The following NCEH1 variants were observed in gnomAD, a reference collection of about 807,000 sequenced individuals.
NCEH1 encodes the protein 2-acetyl MAGE hydrolase.
In NCEH1, 9 loss-of-function variants were observed where a neutral mutation model predicts 25.4. The ratio of observed to expected loss-of-function variants is 0.35; its 90% confidence interval spans 0.21 to 0.62. The LOEUF (loss-of-function observed/expected upper bound fraction) is 0.62. Ranked by LOEUF, NCEH1 falls within the 20% of genes least tolerant of loss-of-function variation. NCEH1 has a pLI of 0.72. For synonymous variants in NCEH1, 200 were observed against 199.8 expected (o/e 1.00, Z -0.01); for missense variants, 412 against 501.1 (o/e 0.82, Z 1.70).
intron 1 of NCEH1, among the ~76,000 whole-genome samples, chr3:172,705,599 T>C (rs543669239): frequency 6.6e-6 from 1 of 152,312 alleles, no homozygotes; most frequent in Non-Finnish European, 1.5e-5. Flanking sequence ...AAGACAGATA[T>C]GTTGTCCAGC....
At chr3:172,703,499 G>T (rs952495104) in intron 1 of NCEH1, among the ~76,000 whole-genome samples, 1 of 135,302 alleles carries the variant, frequency 7.4e-6, no homozygotes, top group Non-Finnish European at 1.5e-5. Context: ...TTGCATTCCC[G>T]CCTGAGTGAC....
At chr3:172,707,084 CTG>C (rs941561062) in intron 1 of NCEH1, among the ~76,000 whole-genome samples, 4 of 152,120 alleles carry the variant, frequency 2.6e-5, no homozygotes, top group African/African-American at 9.7e-5. Context: ...TATTGCCAAA[CTG>C]TTCTCCAAAA....
At position 172,645,681 on chromosome 3, in the gene NCEH1, A is replaced by C. The variant is rs1404766373; in HGVS notation, c.379T>G (p.Tyr127Asp). 6.3e-7 allele frequency: 1 copy of C among 1,589,964 alleles called. No homozygotes were observed. ...GCCATTGCTGTACACAGCTCATCAT[A>C]ATACCTGATTTCTAAAAGACACAAA... ...WALASAKIRYYDELCTAMAEE... is the reference protein window; with the variant it reads ...WALASAKIRYDDELCTAMAEE... Residue 127 changes from tyrosine (Y) to aspartate (D), a missense_variant, in exon 3 of 5, where the codon TAT becomes GAT. Physicochemically the swap from Tyr to Asp is radical, Grantham distance 160. Coordinates refer to ENST00000475381, the MANE Select transcript of NCEH1 (RefSeq NM_020792.6).
chr3:172,690,609 A>G (rs751657412), intron 1 of NCEH1, among the ~76,000 whole-genome samples: 73 of 152,228 alleles, frequency 4.8e-4, no homozygotes, highest in Admixed American at 1.5e-3. Context: ...AGATTATACA[A>G]TATGTCCACT....
chr3:172,672,794 G>A (rs1189908891), intron 1 of NCEH1, among the ~76,000 whole-genome samples: 1 of 152,184 alleles, frequency 6.6e-6, no homozygotes, highest in Non-Finnish European at 1.5e-5. Context: ...TCCATTAGTT[G>A]CTATCAGTGT....
rs1369666314 is a variant in NCEH1, at chr3:172,648,000, T to C, written c.253A>G (p.Thr85Ala). The C allele has an allele frequency of 6.2e-7, 1 of 1,614,206 alleles. No homozygotes were observed. Among genetic ancestry groups the C allele is most frequent in the Admixed American group, 1.7e-5 (1 of 60,028 alleles). Residue 85 changes from threonine to alanine, a missense_variant, in exon 2 of 5, where the codon ACA (threonine) becomes GCA (alanine). Around this residue, in one of 3 missense-constraint regions of NCEH1, gnomAD observed 178 missense variants for 189.2 expected, o/e 0.94. Transcript: ENST00000475381. ...CTGACTTCCACACCATCAAAGTCTGTGTCGGTCACCTTCACTTGGGCAGAA... is the reference window on the plus strand; with the variant it reads ...CTGACTTCCACACCATCAAAGTCTGCGTCGGTCACCTTCACTTGGGCAGAA... ...WSSAQVKVTD[T>A]DFDGVEVRVF...
intron 1 of NCEH1, among the ~76,000 whole-genome samples, chr3:172,652,341 T>C: frequency 6.6e-6 from 1 of 152,160 alleles, no homozygotes; most frequent in Admixed American, 6.5e-5. Flanking sequence ...TCAACAGGAA[T>C]AGAAATGTGT....
intron 1 of NCEH1, among the ~76,000 whole-genome samples, chr3:172,698,348 T>C (rs1462922934): frequency 6.6e-6 from 1 of 152,168 alleles, no homozygotes; most frequent in African/African-American, 2.4e-5. Context: ...TGGCCCTGCC[T>C]CTCACAAACA....
intron 1 of NCEH1, among the ~76,000 whole-genome samples, chr3:172,663,159 T>C (rs993155915): frequency 6.6e-6 from 1 of 152,250 alleles, no homozygotes; most frequent in African/African-American, 2.4e-5. Context: ...TGGTATGTCA[T>C]GTCTTTGTTC....
rs1271168147 is a variant in NCEH1 at position 172,633,812 on chromosome 3, G to A, written c.890C>T (p.Thr297Ile). 10 of 1,614,062 alleles carry A rather than the reference G, an allele frequency of 6.2e-6. No individual in the cohort carries two copies. Among genetic ancestry groups the A allele is most frequent in the Non-Finnish European group, 8.5e-6 (10 of 1,180,028 alleles). Reference sequence around the variant, plus strand: ...CTGTACAACAGGCTTGTAGTTCTTTGTGAAGGATGCAGGCAAGAGGGATGT... The same window carrying A: ...CTGTACAACAGGCTTGTAGTTCTTTATGAAGGATGCAGGCAAGAGGGATGT... ...NWTSLLPASF[T>I]KNYKPVVQTT... The change falls in exon 5 of 5, where the codon ACA becomes ATA. Residue 297 changes from threonine (T) to isoleucine (I), a missense_variant. Transcript: ENST00000475381.
chr3:172,678,920 T>A (rs1179819016), intron 1 of NCEH1, among the ~76,000 whole-genome samples: 3 of 152,206 alleles, frequency 2.0e-5, no homozygotes, highest in Non-Finnish European at 4.4e-5. Flanking sequence ...AGGCCATTTT[T>A]ACTTCCTGCA....
chr3:172,674,749 A>G (rs1349135150), intron 1 of NCEH1, among the ~76,000 whole-genome samples: 1 of 152,216 alleles, frequency 6.6e-6, no homozygotes, highest in Non-Finnish European at 1.5e-5. Flanking sequence ...AGAACTATAC[A>G]CTGTGGCACC....
At chr3:172,643,595 T>C (rs1716968770) in intron 3 of NCEH1, among the ~76,000 whole-genome samples, 2 of 152,202 alleles carry the variant, frequency 1.3e-5, no homozygotes, top group South Asian at 4.1e-4. Flanking sequence ...CTTAAATATA[T>C]CTTATTCTTC....
chr3:172,637,935 T>C (rs192934332), intron 3 of NCEH1, among the ~76,000 whole-genome samples: 1 of 150,366 alleles, frequency 6.7e-6, no homozygotes, highest in African/African-American at 2.4e-5. Context: ...TAATCCCAGC[T>C]AGTTGGGAGG....
chr3:172,676,521 C>T (rs1383890905), intron 1 of NCEH1, among the ~76,000 whole-genome samples: 1 of 152,056 alleles, frequency 6.6e-6, no homozygotes, highest in Non-Finnish European at 1.5e-5. Context: ...TCCCCTGGGC[C>T]CTATGCAAAC....
chr3:172,678,592 A>G (rs1712150345), intron 1 of NCEH1, among the ~76,000 whole-genome samples: 1 of 152,258 alleles, frequency 6.6e-6, no homozygotes, highest in Admixed American at 6.5e-5. Flanking sequence ...GAGATCTTCC[A>G]TATAATGATC....
At chr3:172,650,875 G>T (rs927752013) in intron 1 of NCEH1, among the ~76,000 whole-genome samples, 3 of 147,714 alleles carry the variant, frequency 2.0e-5, no homozygotes, top group Non-Finnish European at 4.5e-5. Flanking sequence ...ACAGGAATAT[G>T]AAAGGGTAGG....
chr3:172,662,612 G>A (rs1332656086), intron 1 of NCEH1, among the ~76,000 whole-genome samples: 1 of 152,148 alleles, frequency 6.6e-6, no homozygotes, highest in South Asian at 2.1e-4. Flanking sequence ...TTTTTGGTTG[G>A]TAGGCTATTA....
chr3:172,710,392 C>T (rs1714232903), intron 1 of NCEH1, among the ~76,000 whole-genome samples: 1 of 152,228 alleles, frequency 6.6e-6, no homozygotes, highest in Non-Finnish European at 1.5e-5. Context: ...CTGCCCTTGC[C>T]TGCTTCTGCT....
Sources: allele counts gnomAD v4.1 joint callset (sites outside exome capture counted in the v4.1 genomes callset), GRCh38; gene constraint gnomAD v4.1.1; regional missense constraint gnomAD v4.1.1; transcripts MANE v1.5; gene names NCBI Gene and HGNC (gene_info 2026-07-23, HGNC 2026-07-21).